The following ADARB2 variants were observed in gnomAD, a reference collection of about 807,000 sequenced individuals.
ADARB2 encodes adenosine deaminase RNA specific B2 (inactive).
In ADARB2, 25 loss-of-function variants were observed where a neutral mutation model predicts 62.2. The ratio of observed to expected loss-of-function variants is 0.40; its 90% CI spans 0.29 to 0.56. The LOEUF is 0.56. Ranked by LOEUF, ADARB2 falls within the 20% of genes least tolerant of loss-of-function variation. The probability of loss-of-function intolerance (pLI) is 0.43; values close to 1 mark genes in which losing one functional copy is unlikely to be tolerated. For missense variants in ADARB2, 1,071 were observed against 1,077.4 expected (o/e 0.99, Z 0.08); for synonymous variants, 572 against 500.8 (o/e 1.14, Z -1.90).
chr10:1,208,144 G>A (rs1378775898), intron 7 of ADARB2, among the ~76,000 whole-genome samples: 1 of 152,220 alleles, frequency 6.6e-6, no homozygotes, highest in Non-Finnish European at 1.5e-5. Flanking sequence ...CCAGGGCTAT[G>A]GTGGTGGTAG....
At chr10:1,553,536 G>A (rs1832659048) in intron 1 of ADARB2, among the ~76,000 whole-genome samples, 1 of 152,164 alleles carries the variant, frequency 6.6e-6, no homozygotes, top group East Asian at 1.9e-4. Context: ...TGCAGTTTGC[G>A]CCGTCGAAAA....
chr10:1,533,310 A>G (rs1485111226), intron 1 of ADARB2, among the ~76,000 whole-genome samples: 1 of 131,976 alleles, frequency 7.6e-6, no homozygotes. Flanking sequence ...TTGTATTTTT[A>G]GTAGAGATGG....
chr10:1,524,692 C>G (rs1832118571), intron 1 of ADARB2, among the ~76,000 whole-genome samples: 1 of 152,138 alleles, frequency 6.6e-6, no homozygotes, highest in Admixed American at 6.5e-5. Flanking sequence ...ACAGCACAGC[C>G]CGGTGGCTGC....
At chr10:1,319,419 A>G (rs1831775396) in intron 3 of ADARB2, among the ~76,000 whole-genome samples, 1 of 152,228 alleles carries the variant, frequency 6.6e-6, no homozygotes. Context: ...TAAGTCATAC[A>G]GCTGACAGAT....
chr10:1,455,487 T>A (rs1407296905), intron 1 of ADARB2, among the ~76,000 whole-genome samples: 2 of 152,006 alleles, frequency 1.3e-5, no homozygotes, highest in African/African-American at 4.8e-5. Flanking sequence ...AACAGAAGAT[T>A]AAAAAGATTA....
At chr10:1,705,010 C>T (rs990712807) in intron 1 of ADARB2, among the ~76,000 whole-genome samples, 19 of 152,090 alleles carry the variant, frequency 1.2e-4, no homozygotes, top group African/African-American at 4.6e-4. Context: ...GAAGTCCTTT[C>T]AAAGCTTTTC....
chr10:1,547,826 G>C (rs1173403619), intron 1 of ADARB2, among the ~76,000 whole-genome samples: 4 of 151,800 alleles, frequency 2.6e-5, no homozygotes, highest in Admixed American at 2.0e-4. Flanking sequence ...TACACTGTGG[G>C]GAGGGGGAGA....
rs1832893534 is a variant in ADARB2 at position 1,426,396 on chromosome 10, A to T, written c.101-47236T>A. On this transcript the variant is annotated intron_variant, in intron 1 of 9. Transcript: ENST00000381312. This position sits in a 1 kb window ranked among gnomAD's most constrained non-coding sequence, Gnocchi z 4.1. The stretch of plus-strand genomic sequence containing the variant: ...TCCTTTCTTTTTCTCTTTAAATTTC[A>T]TGTTCCCTTGTCATTGTTGCTGTAA... Among the ~76,000 whole-genome samples, 1 of 152,038 alleles carries T rather than the reference A, an allele frequency of 6.6e-6. No homozygotes were observed. Among genetic ancestry groups the T allele is most frequent in the African/African-American group, 2.4e-5 (1 of 41,390 alleles).
intron 3 of ADARB2, among the ~76,000 whole-genome samples, chr10:1,330,588 G>C (rs1035646627): frequency 1.3e-5 from 2 of 152,170 alleles, no homozygotes; most frequent in African/African-American, 4.8e-5. Flanking sequence ...GCTCTCACCA[G>C]TGCTGATGGT....
chr10:1,347,128 C>T (rs140848395), intron 3 of ADARB2, among the ~76,000 whole-genome samples: 6 of 152,320 alleles, frequency 3.9e-5, no homozygotes, highest in Non-Finnish European at 5.9e-5. Flanking sequence ...CCATTCCCTT[C>T]GGTTCTGCTC....
chr10:1,660,591 C>G (rs539263241), intron 1 of ADARB2, among the ~76,000 whole-genome samples: 3 of 152,218 alleles, frequency 2.0e-5, no homozygotes, highest in Admixed American at 1.3e-4. Flanking sequence ...GCCCAAGACC[C>G]CAGAAAAAGG....
At chr10:1,358,542 C>T (rs1254131932) in intron 3 of ADARB2, among the ~76,000 whole-genome samples, 1 of 152,208 alleles carries the variant, frequency 6.6e-6, no homozygotes, top group African/African-American at 2.4e-5. Flanking sequence ...CAGGTGCCAC[C>T]GCTCCCAGTC....
At chr10:1,523,735 T>C (rs763439099) in intron 1 of ADARB2, among the ~76,000 whole-genome samples, 2 of 152,212 alleles carry the variant, frequency 1.3e-5, no homozygotes, top group Non-Finnish European at 2.9e-5. Flanking sequence ...CTTAATTCTC[T>C]CTAAAATCTA....
intron 3 of ADARB2, among the ~76,000 whole-genome samples, chr10:1,311,219 G>A (rs1831687325): frequency 6.6e-6 from 1 of 152,214 alleles, no homozygotes; most frequent in African/African-American, 2.4e-5. Context: ...CTCCATGCTG[G>A]TGCCGGTCCT....
intron 1 of ADARB2, among the ~76,000 whole-genome samples, chr10:1,567,779 G>A (rs182171279): frequency 2.6e-5 from 4 of 152,276 alleles, no homozygotes; most frequent in Admixed American, 6.5e-5. Flanking sequence ...ACTACCATGC[G>A]CACAGCAGGG....
intron 1 of ADARB2, among the ~76,000 whole-genome samples, chr10:1,613,780 T>C (rs1833599177): frequency 6.6e-6 from 1 of 152,220 alleles, no homozygotes; most frequent in Admixed American, 6.5e-5. Context: ...ATAATGGAGA[T>C]AAGGCTGGAT....
At chr10:1,385,415 A>G (rs1401082958) in intron 1 of ADARB2, among the ~76,000 whole-genome samples, 2 of 152,124 alleles carry the variant, frequency 1.3e-5, no homozygotes, top group Non-Finnish European at 1.5e-5. Flanking sequence ...ATAAGTAAAT[A>G]GATGGGGAAT....
intron 1 of ADARB2, among the ~76,000 whole-genome samples, chr10:1,513,900 G>A (rs1021797456): frequency 1.3e-5 from 2 of 151,884 alleles, no homozygotes; most frequent in African/African-American, 4.8e-5. Context: ...ACTTAAATTT[G>A]TTCTAAATGA....
chr10:1,478,431 C>G (rs1029106097), intron 1 of ADARB2, among the ~76,000 whole-genome samples: 4 of 152,168 alleles, frequency 2.6e-5, no homozygotes, highest in Admixed American at 2.6e-4. Context: ...AACTTAGTAC[C>G]CTGGGTCCAA....
Sources: gnomAD v4.1 joint callset for allele counts (sites outside exome capture counted in the v4.1 genomes callset) on GRCh38, gnomAD v4.1.1 for gene constraint, Gnocchi (gnomAD v3.1) non-coding constraint, MANE v1.5 for transcripts, NCBI Gene and HGNC (gene_info 2026-07-23, HGNC 2026-07-21) for gene names.